CAPG: variants seen among roughly 807,000 people sequenced by gnomAD.
CAPG encodes the protein macrophage-capping protein.
In CAPG, 32 loss-of-function variants were observed where a neutral mutation model predicts 44.6. That is an observed-to-expected ratio of 0.72 (90% CI 0.54 to 0.96). The LOEUF (loss-of-function observed/expected upper bound fraction) is 0.96, where lower values mean the gene tolerates loss of function less well. CAPG is among the 50% of genes least tolerant of loss of function. CAPG has a pLI of 0.00. For synonymous variants in CAPG, 175 were observed against 179.6 expected (o/e 0.97, Z 0.20); for missense variants, 412 against 438.3 (o/e 0.94, Z 0.54).
chr2:85,412,853 C>T (rs1043980176), upstream of CAPG, among the ~76,000 whole-genome samples: 1 of 152,024 alleles, frequency 6.6e-6, no homozygotes, highest in Non-Finnish European at 1.5e-5. Context: ...CCTCCTGGAG[C>T]CTCCCTGTGC....
chr2:85,411,533 C>G (rs557695779), upstream of CAPG, among the ~76,000 whole-genome samples: 1 of 152,278 alleles, frequency 6.6e-6, no homozygotes, highest in East Asian at 1.9e-4. Context: ...GTATGAGGCT[C>G]CAGGAGAAAG....
Position 85,401,626 on chromosome 2 carries a change from T to A in CAPG, c.254A>T (p.Asn85Ile). The change falls in exon 4 of 10, where the codon AAC becomes ATC. Residue 85 changes from asparagine to isoleucine, a missense_variant. Asn to Ile is a moderately radical substitution (Grantham distance 149, BLOSUM62 -3). Transcript: ENST00000263867. ...CACAGGCCGCTCTCCCAGCAGCGTG[T>A]TGAGGTGCACAGCCAGCACGGCACA... ...GACAVLAVHL[N>I]TLLGERPVQH... The A allele has an allele frequency of 1.2e-6, 2 of 1,614,074 alleles. No homozygotes were observed. The highest frequency in any genetic ancestry group is 2.2e-5 in the East Asian group (1 of 44,876).
downstream of CAPG, among the ~76,000 whole-genome samples, chr2:85,393,692 G>T (rs1686468279): frequency 6.6e-6 from 1 of 152,144 alleles, no homozygotes. Flanking sequence ...AGCCTCCCAA[G>T]TAGCTGAGAT....
chr2:85,399,074 A>T, intron 6 of CAPG, 62 bp downstream of exon 6: 1 of 1,552,178 alleles, frequency 6.4e-7, no homozygotes, highest in Non-Finnish European at 8.9e-7. Context: ...TCAGCTCATC[A>T]CCACCTCTCT....
intron 1 of CAPG, among the ~76,000 whole-genome samples, chr2:85,405,289 G>A (rs1020324800): frequency 6.6e-5 from 10 of 152,098 alleles, no homozygotes; most frequent in East Asian, 1.9e-4. Context: ...ACTCACTGTC[G>A]CTTTCATAGG....
In CAPG at chr2:85,401,652, G is replaced by A; in HGVS notation, c.228C>T (p.Ala76=). 6.2e-7 allele frequency: 1 copy of A among 1,614,178 alleles called. No homozygotes were observed. The highest frequency in any genetic ancestry group is 8.5e-7 in the Non-Finnish European group (1 of 1,180,032). Residue 76 remains alanine, a synonymous_variant, in exon 4 of 10, where the codon GCC becomes GCT. Transcript: ENST00000263867. Reference sequence around the variant, plus strand: ...TGAGGTGCACAGCCAGCACGGCACAGGCCCCCTGCTCATCCCGGGATGACT... The same window carrying A: ...TGAGGTGCACAGCCAGCACGGCACAAGCCCCCTGCTCATCCCGGGATGACT... The part of the protein sequence containing the change: ...GQQSSRDEQG[A]CAVLAVHLNT...
At chr2:85,417,647 T>G (rs1046017153) in intron 1 of CAPG, among the ~76,000 whole-genome samples, 1 of 151,730 alleles carries the variant, frequency 6.6e-6, no homozygotes, top group Non-Finnish European at 1.5e-5. Context: ...CACGCCCGGG[T>G]AATTTTTTCT....
chr2:85,400,605 C>T (rs1365155754), intron 5 of CAPG, among the ~76,000 whole-genome samples: 1 of 152,176 alleles, frequency 6.6e-6, no homozygotes, highest in Non-Finnish European at 1.5e-5. Flanking sequence ...ACCTTGGTGG[C>T]TCAGCTCACC....
rs373052917 is a variant in CAPG at position 85,398,850 on chromosome 2, C to T, written c.667-68G>A. 69 of 1,243,768 alleles carry T rather than the reference C, an allele frequency of 5.5e-5. No individual in the cohort carries two copies. In the Admixed American group the frequency reaches 6.3e-4, roughly 11 times the overall value. The allele number at this position is 1,243,768 out of a possible 1,614,324, so 77.0% of individuals were successfully genotyped here. On this transcript the variant is annotated intron_variant, in intron 6 of 9. Transcript: ENST00000263867. Reference sequence around the variant, plus strand: ...CTGGAACTTCCCAGCCCATCATGCCCAGGGCCACTGCTTCTGGTGGGGCAA... The same window carrying T: ...CTGGAACTTCCCAGCCCATCATGCCTAGGGCCACTGCTTCTGGTGGGGCAA...
At chr2:85,402,041 G>A in intron 2 of CAPG, 82 bp downstream of exon 2, 2 of 1,609,374 alleles carry the variant, frequency 1.2e-6, no homozygotes, top group African/African-American at 1.3e-5. Flanking sequence ...TGCAGTCTGG[G>A]GATGAGGAGA....
intron 1 of CAPG, among the ~76,000 whole-genome samples, chr2:85,408,134 G>C (rs1687250724): frequency 6.6e-6 from 1 of 152,012 alleles, no homozygotes; most frequent in South Asian, 2.1e-4. Flanking sequence ...CTTGAGATTA[G>C]GAGTTCAAGA....
At chr2:85,400,190 C>T (rs929998928) in intron 5 of CAPG, among the ~76,000 whole-genome samples, 5 of 152,142 alleles carry the variant, frequency 3.3e-5, no homozygotes, top group Middle Eastern at 3.2e-3. Flanking sequence ...AAACAGAGCC[C>T]GGCATGGATT....
In CAPG at chr2:85,394,814, T is replaced by TAAA. The variant is rs1686505297; in HGVS notation, c.*78_*79insTTT. On this transcript the variant is annotated 3_prime_UTR_variant, in exon 10 of 10. Coordinates refer to ENST00000263867, the MANE Select transcript of CAPG (RefSeq NM_001747.4). Reference sequence around the variant, plus strand: ...ATTGAACATCTGCAGGGGGCACCTCTGCACTGACCAGGCAGCCAGAGAAGC... The same window carrying TAAA: ...ATTGAACATCTGCAGGGGGCACCTCTAAAGCACTGACCAGGCAGCCAGAGAAGC... 1 of 1,013,982 alleles carries TAAA rather than the reference T, an allele frequency of 9.9e-7. No homozygotes were observed. The highest frequency in any genetic ancestry group is 1.7e-5 in the Admixed American group (1 of 59,038). 62.8% of individuals were successfully genotyped at this position (1,013,982 alleles called of 1,614,324 possible).
At chr2:85,411,744 C>A (rs377418988), upstream of CAPG, among the ~76,000 whole-genome samples, 1 of 152,070 alleles carries the variant, frequency 6.6e-6, no homozygotes, top group African/African-American at 2.4e-5. Context: ...TATTTGACTG[C>A]GTGGGAAAAG....
At chr2:85,404,271 C>T (rs1033734264) in intron 1 of CAPG, among the ~76,000 whole-genome samples, 22 of 141,236 alleles carry the variant, frequency 1.6e-4, no homozygotes, top group Middle Eastern at 7.1e-3. Context: ...CCGCTCACAA[C>T]GCAAAAAAAA....
intron 5 of CAPG, among the ~76,000 whole-genome samples, chr2:85,399,810 C>T (rs1047047252): frequency 1.3e-5 from 2 of 148,558 alleles, no homozygotes; most frequent in African/African-American, 5.0e-5. Context: ...GGTACAATCT[C>T]AGCTCACCGC....
chr2:85,418,078 G>A (rs1399756867), intron 1 of CAPG, among the ~76,000 whole-genome samples: 2 of 152,110 alleles, frequency 1.3e-5, no homozygotes, highest in African/African-American at 4.8e-5. Flanking sequence ...GGTAACTAGC[G>A]CTAATGTGCA....
downstream of CAPG, among the ~76,000 whole-genome samples, chr2:85,393,063 T>G (rs1485937066): frequency 1.3e-5 from 2 of 151,472 alleles, no homozygotes; most frequent in South Asian, 4.2e-4. Flanking sequence ...TGAAATGGGA[T>G]CTCACTCTGT....
At chr2:85,407,749 TA>T (rs35728426) in intron 1 of CAPG, among the ~76,000 whole-genome samples, 32,922 of 135,298 alleles carry the variant, frequency 0.24, 4,717 homozygotes, top group East Asian at 0.51. Flanking sequence ...TACAGAAAAA[TA>T]AGAAAGAAAA....
Sources: gnomAD v4.1 joint callset for allele counts (sites outside exome capture counted in the v4.1 genomes callset) on GRCh38, gnomAD v4.1.1 for gene constraint, MANE v1.5 for transcripts, NCBI Gene and HGNC (gene_info 2026-07-23, HGNC 2026-07-21) for gene names.